ENTHD1: variants seen among roughly 807,000 people sequenced by gnomAD.
ENTHD1 encodes ENTH domain containing 1, also known as ENTH domain-containing protein 1.
Under a neutral mutation model 39.1 loss-of-function variants are expected in ENTHD1, and 23 were observed. That is an observed-to-expected ratio of 0.59 (90% confidence interval 0.42 to 0.83). The LOEUF (loss-of-function observed/expected upper bound fraction) is 0.83. Among genes scored for constraint, ENTHD1 ranks in the 40% least tolerant of loss-of-function variants. The probability of loss-of-function intolerance (pLI) is 0.00; values close to 1 mark genes in which losing one functional copy is unlikely to be tolerated. For synonymous variants in ENTHD1, 230 were observed against 258.2 expected (o/e 0.89, Z 1.05); for missense variants, 624 against 705.4 (o/e 0.88, Z 1.31).
At chr22:39,854,706 A>G (rs1048084100) in intron 3 of ENTHD1, among the ~76,000 whole-genome samples, 1 of 150,296 alleles carries the variant, frequency 6.7e-6, no homozygotes, top group Non-Finnish European at 1.5e-5. Flanking sequence ...CAAGAAAAGA[A>G]AAAAAAAAAG....
chr22:39,846,016 A>T (rs1321546696), intron 3 of ENTHD1, among the ~76,000 whole-genome samples: 1 of 152,150 alleles, frequency 6.6e-6, no homozygotes, highest in Non-Finnish European at 1.5e-5. Flanking sequence ...CCAGAAATAA[A>T]TCCATGCATT....
At chr22:39,856,248 T>C (rs1250407893) in intron 3 of ENTHD1, among the ~76,000 whole-genome samples, 1 of 129,234 alleles carries the variant, frequency 7.7e-6, no homozygotes, top group Non-Finnish European at 1.6e-5. Flanking sequence ...CACTCCAGCC[T>C]GGGCAACAAG....
chr22:39,799,466 A>G (rs781608640), intron 5 of ENTHD1, among the ~76,000 whole-genome samples: 2 of 152,154 alleles, frequency 1.3e-5, no homozygotes, highest in Non-Finnish European at 2.9e-5. Context: ...AAAAGTAGGT[A>G]CACAGACACA....
At chr22:39,835,991 T>A (rs778492802) in intron 3 of ENTHD1, 33 bp from the exon 4 acceptor site, 1 of 1,510,968 alleles carries the variant, frequency 6.6e-7, no homozygotes, top group Non-Finnish European at 9.1e-7. Flanking sequence ...GATTTTACTT[T>A]GGCAAAACAC....
intron 6 of ENTHD1, among the ~76,000 whole-genome samples, chr22:39,752,257 A>G (rs1017924910): frequency 1.3e-5 from 2 of 152,230 alleles, no homozygotes; most frequent in Non-Finnish European, 2.9e-5. Flanking sequence ...TATATGTTAC[A>G]ACATGGATGA....
intron 5 of ENTHD1, among the ~76,000 whole-genome samples, chr22:39,793,162 A>AT: frequency 6.6e-6 from 1 of 152,072 alleles, no homozygotes; most frequent in South Asian, 2.1e-4. Flanking sequence ...TGTAGTTTTT[A>AT]TTTGCATTTC....
intron 4 of ENTHD1, among the ~76,000 whole-genome samples, chr22:39,826,677 A>G (rs755755704): frequency 3.9e-5 from 6 of 152,148 alleles, no homozygotes; most frequent in Non-Finnish European, 7.3e-5. Flanking sequence ...TTGGGTGATT[A>G]CAATATGTTA....
chr22:39,769,778 C>G (rs2065307562), intron 5 of ENTHD1, among the ~76,000 whole-genome samples: 1 of 152,000 alleles, frequency 6.6e-6, no homozygotes, highest in Non-Finnish European at 1.5e-5. Flanking sequence ...AAGGCACCAA[C>G]CAGAGGGGAA....
At chr22:39,814,563 C>T in intron 5 of ENTHD1, among the ~76,000 whole-genome samples, 1 of 152,182 alleles carries the variant, frequency 6.6e-6, no homozygotes, top group Non-Finnish European at 1.5e-5. Context: ...CAGGGTTGGT[C>T]ATATCACTGA....
At chr22:39,791,513 G>A (rs1164318503) in intron 5 of ENTHD1, among the ~76,000 whole-genome samples, 1 of 151,806 alleles carries the variant, frequency 6.6e-6, no homozygotes, top group Non-Finnish European at 1.5e-5. Flanking sequence ...TCATGCCTCA[G>A]CCTCCTGAGT....
intron 3 of ENTHD1, among the ~76,000 whole-genome samples, chr22:39,850,467 T>C (rs1477373950): frequency 6.6e-6 from 1 of 152,184 alleles, no homozygotes; most frequent in Admixed American, 6.5e-5. Flanking sequence ...TATCTGGATT[T>C]CTCTTTCCCC....
chr22:39,784,511 G>A (rs983829665), intron 5 of ENTHD1, among the ~76,000 whole-genome samples: 3 of 149,700 alleles, frequency 2.0e-5, no homozygotes, highest in Non-Finnish European at 4.4e-5. Context: ...GCCCACCAAT[G>A]ATGAAGAAAA....
Position 39,867,440 on chromosome 22 carries a change from T to G in ENTHD1, c.350-5433A>C, listed in dbSNP as rs1399724344. 1.3e-5 allele frequency among the ~76,000 whole-genome samples: 2 copies of G among 152,270 alleles called. No individual in the cohort carries two copies. The highest frequency in any genetic ancestry group is 3.9e-4 in the East Asian group (2 of 5,184). ...CTTCCCATATTCCTTTCTCGGTGAC[T>G]TTTATCTCTACTCTAAGTTAGAAAT... On this transcript the variant is annotated intron_variant, in intron 2 of 6. Coordinates refer to ENST00000325157, the MANE Select transcript of ENTHD1 (RefSeq NM_152512.4). The surrounding 1 kb of genome is among the most constrained non-coding windows in gnomAD (Gnocchi z 4.5).
chr22:39,765,167 G>A, intron 6 of ENTHD1, 56 bp downstream of exon 6: 1 of 1,452,792 alleles, frequency 6.9e-7, no homozygotes, highest in Admixed American at 2.6e-5. Context: ...CTTCAAAAGA[G>A]GTTTTTTGTT....
In ENTHD1 at chr22:39,784,904, T is replaced by C. The variant is rs1601592421; in HGVS notation, c.833-19295A>G. Among the ~76,000 whole-genome samples, 3 of 152,156 alleles carry C rather than the reference T, an allele frequency of 2.0e-5. No homozygotes were observed. The East Asian group carries it at 5.8e-4, about 29-fold the overall frequency. On this transcript the variant is annotated intron_variant, in intron 5 of 6. Coordinates refer to ENST00000325157, the MANE Select transcript of ENTHD1 (RefSeq NM_152512.4). Reference sequence around the variant, plus strand: ...ATAGTTTACAATAATCTATTGTATATTTCAAAACGGCTAGAAGAGAAGAAT... The same window carrying C: ...ATAGTTTACAATAATCTATTGTATACTTCAAAACGGCTAGAAGAGAAGAAT...
chr22:39,773,632 G>T (rs1246623545), intron 5 of ENTHD1, among the ~76,000 whole-genome samples: 1 of 152,024 alleles, frequency 6.6e-6, no homozygotes, highest in Non-Finnish European at 1.5e-5. Context: ...TGTATTTTTT[G>T]GTTTCCTGAC....
chr22:39,848,898 G>A lies in ENTHD1; in HGVS notation c.592+12867C>T, dbSNP rs116453565. ...TTAAATCCTTAATTCATCCAGGTTA[G>A]AGACCTCATTTCATTTTTACAATAT... On this transcript the variant is annotated intron_variant, in intron 3 of 6. Transcript: ENST00000325157. Among the ~76,000 whole-genome samples the A allele has an allele frequency of 5.5e-3, 840 of 152,182 alleles. 7 individuals are homozygous for A. Among genetic ancestry groups the A allele is most frequent in the African/African-American group, 0.019 (771 of 41,480 alleles).
intron 5 of ENTHD1, among the ~76,000 whole-genome samples, chr22:39,794,848 T>C (rs1018116948): frequency 6.6e-6 from 1 of 152,092 alleles, no homozygotes; most frequent in Non-Finnish European, 1.5e-5. Flanking sequence ...TTCCAGTTCT[T>C]AGAGGAAAGG....
intron 6 of ENTHD1, among the ~76,000 whole-genome samples, chr22:39,753,979 C>A (rs1211519983): frequency 6.6e-6 from 1 of 152,200 alleles, no homozygotes; most frequent in Non-Finnish European, 1.5e-5. Context: ...CTTAACCAGT[C>A]TAGATCCCCA....
Sources: allele counts gnomAD v4.1 joint callset (sites outside exome capture counted in the v4.1 genomes callset), GRCh38; gene constraint gnomAD v4.1.1; non-coding constraint Gnocchi (gnomAD v3.1); transcripts MANE v1.5; gene names NCBI Gene and HGNC (gene_info 2026-07-23, HGNC 2026-07-21).